The following NDUFAF6 variants were observed in gnomAD, a reference collection of about 807,000 sequenced individuals.
NDUFAF6 encodes NADH:ubiquinone oxidoreductase complex assembly factor 6.
A neutral mutation model predicts 40.8 loss-of-function variants in NDUFAF6; 45 were observed. That is an observed-to-expected ratio of 1.10 (90% CI 0.87 to 1.42). NDUFAF6 has a LOEUF of 1.42. Ranked by LOEUF, NDUFAF6 falls within the 40% of genes most tolerant of loss-of-function variation. The pLI is 0.00. For missense variants in NDUFAF6, 435 were observed against 418.5 expected (o/e 1.04, Z -0.34); for synonymous variants, 185 against 155.9 (o/e 1.19, Z -1.39).
At chr8:94,973,145 T>C (rs1427140794) in intron 1 of NDUFAF6, among the ~76,000 whole-genome samples, 1 of 152,146 alleles carries the variant, frequency 6.6e-6, no homozygotes, top group Non-Finnish European at 1.5e-5. Context: ...TGATTAGGAC[T>C]GAAATGTCTG....
At chr8:95,077,428 G>A (rs1808667067), downstream of NDUFAF6, among the ~76,000 whole-genome samples, 1 of 152,152 alleles carries the variant, frequency 6.6e-6, no homozygotes, top group Non-Finnish European at 1.5e-5. Flanking sequence ...CGGTAACTGA[G>A]ATGACTAAGT....
In NDUFAF6 at chr8:95,052,245, A is replaced by G; in HGVS notation, c.873+15A>G. ...TTCTTCAGACGGTAAGTAGATTAAC[A>G]GAGAAGGCTGTATAATTAGTGAAGC... is the stretch of plus-strand genomic sequence containing the variant. On this transcript the variant is annotated intron_variant, in intron 8 of 8. Coordinates refer to ENST00000396124, the MANE Select transcript of NDUFAF6 (RefSeq NM_152416.4). 1 of 1,612,552 alleles carries G rather than the reference A, an allele frequency of 6.2e-7. No individual in the cohort carries two copies. Among genetic ancestry groups the G allele is most frequent in the African/African-American group, 1.3e-5 (1 of 75,024 alleles).
intron 2 of NDUFAF6, among the ~76,000 whole-genome samples, chr8:94,981,694 T>A (rs1825453044): frequency 1.3e-5 from 2 of 152,150 alleles, no homozygotes; most frequent in South Asian, 4.1e-4. Flanking sequence ...GCAATTTGCT[T>A]TAAAAGAGAA....
At chr8:95,095,960 C>T (rs986291011), upstream of NDUFAF6, among the ~76,000 whole-genome samples, 4 of 152,160 alleles carry the variant, frequency 2.6e-5, no homozygotes, top group African/African-American at 7.2e-5. Flanking sequence ...CCACCGTGCC[C>T]GGCTGATTTC....
intron 9 of NDUFAF6, chr8:95,072,768 T>G (rs939567634): frequency 6.5e-6 from 1 of 153,774 alleles, no homozygotes; most frequent in African/African-American, 2.4e-5. Context: ...TTCAGGCTGG[T>G]GCTGCTGGAT....
intron 4 of NDUFAF6, among the ~76,000 whole-genome samples, chr8:95,110,948 C>T (rs1305170202): frequency 6.6e-6 from 1 of 152,196 alleles, no homozygotes; most frequent in Non-Finnish European, 1.5e-5. Flanking sequence ...CCAAGCAATG[C>T]ATTGCTAGAA....
In NDUFAF6 at chr8:94,920,727, C is replaced by T. The variant is rs539335079; in HGVS notation, c.-935-24756C>T. ...CCTATTATACTGGACCCTCCACCCC[C>T]AGCTTGCTCCTGGAAAGCTGCACAC... On this transcript the variant is annotated intron_variant, in intron 1 of 14. Coordinates refer to the NDUFAF6 transcript ENST00000396113. Among the ~76,000 whole-genome samples, 8 of 152,340 alleles carry T rather than the reference C, an allele frequency of 5.3e-5. No homozygotes were observed. In the South Asian group the frequency reaches 1.7e-3, roughly 32 times the overall value.
At chr8:95,060,546 T>G (rs1006224428), downstream of NDUFAF6, among the ~76,000 whole-genome samples, 1 of 152,238 alleles carries the variant, frequency 6.6e-6, no homozygotes, top group African/African-American at 2.4e-5. Flanking sequence ...TAACACTTAT[T>G]GAACACAAAC....
intron 1 of NDUFAF6, 86 bp from the exon 2 acceptor site, chr8:95,031,909 T>G: frequency 5.2e-6 from 7 of 1,351,542 alleles, no homozygotes; most frequent in Non-Finnish European, 7.4e-6. Flanking sequence ...CTTGAAGCCT[T>G]TTTGTTTTCA....
chr8:95,005,553 A>ATATAT (rs60157067), intron 2 of NDUFAF6, among the ~76,000 whole-genome samples: 6 of 124,342 alleles, frequency 4.8e-5, no homozygotes, highest in Admixed American at 2.5e-4. Context: ...ATATATATAT[A>ATATAT]AAAAATATAT....
rs1254999976 is a variant in NDUFAF6 at position 95,047,011 on chromosome 8, G to A, written c.598G>A (p.Ala200Thr). Reference protein sequence around the residue: ...LEILGIKDLHADHAASHIGKA... With the variant: ...LEILGIKDLHTDHAASHIGKA... The stretch of plus-strand genomic sequence containing the variant: ...AATCATAGGTATAAAGGATCTTCAT[G>A]CAGATCATGCTGCAAGTCATATTGG... The change falls in exon 6 of 9, where the codon GCA becomes ACA. Residue 200 changes from alanine (A) to threonine (T), a missense_variant. Ala to Thr is a moderately conservative substitution (Grantham distance 58, BLOSUM62 0). Transcript: ENST00000396124. 6.2e-7 allele frequency: 1 copy of A among 1,614,128 alleles called. No individual in the cohort carries two copies. The highest frequency in any genetic ancestry group is 8.5e-7 in the Non-Finnish European group (1 of 1,180,010).
intron 1 of NDUFAF6, among the ~76,000 whole-genome samples, chr8:94,938,780 G>A (rs192432164): frequency 2.0e-5 from 3 of 152,278 alleles, no homozygotes; most frequent in Non-Finnish European, 2.9e-5. Flanking sequence ...TAATAAACTG[G>A]TAAACATGTT....
At chr8:95,040,411 T>C (rs1210916089) in intron 3 of NDUFAF6, among the ~76,000 whole-genome samples, 6 of 152,198 alleles carry the variant, frequency 3.9e-5, no homozygotes, top group Non-Finnish European at 8.8e-5. Context: ...TAATCAACAG[T>C]TTTTGAGGAG....
At chr8:94,900,743 T>C (rs1268084820) in intron 1 of NDUFAF6, among the ~76,000 whole-genome samples, 2 of 152,056 alleles carry the variant, frequency 1.3e-5, no homozygotes, top group African/African-American at 4.8e-5. Flanking sequence ...TCTGTTGGAC[T>C]GGGGAACAGA....
At chr8:95,056,797 T>C (rs1832216795) in intron 8 of NDUFAF6, among the ~76,000 whole-genome samples, 1 of 151,570 alleles carries the variant, frequency 6.6e-6, no homozygotes, top group African/African-American at 2.4e-5. Flanking sequence ...TCCCAGCTAC[T>C]CTGGAGGCTG....
At chr8:94,929,628 C>T (rs2904885) in intron 1 of NDUFAF6, 33 of 152,294 alleles carry the variant, frequency 2.2e-4, no homozygotes, top group African/African-American at 6.3e-4. Context: ...TGGACAAGTA[C>T]TTCCAAATTT....
At chr8:94,955,933 A>G (rs923595956), upstream of NDUFAF6, among the ~76,000 whole-genome samples, 1 of 152,218 alleles carries the variant, frequency 6.6e-6, no homozygotes, top group Non-Finnish European at 1.5e-5. Flanking sequence ...CACAAGTGCA[A>G]TAGAAACCAA....
chr8:94,956,631 G>A (rs188669201), upstream of NDUFAF6, among the ~76,000 whole-genome samples: 3 of 152,306 alleles, frequency 2.0e-5, no homozygotes, highest in Admixed American at 2.0e-4. Context: ...CCTGGCTACT[G>A]TGTAGGAAAC....
At chr8:94,948,731 A>C (rs1822244192) in intron 2 of NDUFAF6, among the ~76,000 whole-genome samples, 1 of 152,088 alleles carries the variant, frequency 6.6e-6, no homozygotes, top group Non-Finnish European at 1.5e-5. Flanking sequence ...GGGCGGCCCC[A>C]TCCAACGGCC....
Sources: allele counts gnomAD v4.1 joint callset (sites outside exome capture counted in the v4.1 genomes callset), GRCh38; gene constraint gnomAD v4.1.1; transcripts MANE v1.5; gene names NCBI Gene and HGNC (gene_info 2026-07-23, HGNC 2026-07-21).